Variants in BST1 observed in about 807,000 individuals in gnomAD.
BST1 encodes the protein bone marrow stromal cell antigen 1, also known as ADP-ribosyl cyclase/cyclic ADP-ribose hydrolase 2.
A neutral mutation model predicts 40.6 loss-of-function variants in BST1; 49 were observed. The ratio of observed to expected loss-of-function variants is 1.21; its 90% CI spans 0.96 to 1.53. The LOEUF is 1.53. Ranked by LOEUF, BST1 falls within the 40% of genes most tolerant of loss-of-function variation. The pLI is 0.00. For missense variants in BST1, 423 were observed against 395.9 expected (o/e 1.07, Z -0.58); for synonymous variants, 157 against 159.3 (o/e 0.99, Z 0.11).
chr4:15,705,395 G>A lies in BST1; in HGVS notation c.189-120G>A, dbSNP rs1280243364. Reference sequence around the variant, plus strand: ...TGACAATTCGTTGTCTTTTTTGTAAGCCTACTTCTGCAGTTACTATATGAA... The same window carrying A: ...TGACAATTCGTTGTCTTTTTTGTAAACCTACTTCTGCAGTTACTATATGAA... On this transcript the variant is annotated intron_variant, in intron 1 of 8. Coordinates refer to ENST00000265016, the MANE Select transcript of BST1 (RefSeq NM_004334.3). The A allele has an allele frequency of 3.4e-6, 4 of 1,170,212 alleles. No individual in the cohort carries two copies. The South Asian group carries it at 4.6e-5, about 14-fold the overall frequency. The allele number at this position is 1,170,212 out of a possible 1,614,324, so 72.5% of individuals were successfully genotyped here.
Position 15,718,941 on chromosome 4 carries a change from G to A in BST1, c.739G>A (p.Glu247Lys). 6.2e-7 allele frequency: 1 copy of A among 1,614,072 alleles called. No homozygotes were observed. ...CGGGGAAGGCAGCATGAAAGTCCTGGAAAAGAGGCTGAAGGACATGGGGTT... is the reference window on the plus strand; with the variant it reads ...CGGGGAAGGCAGCATGAAAGTCCTGAAAAAGAGGCTGAAGGACATGGGGTT... Reference protein sequence around the residue: ...SCGEGSMKVLEKRLKDMGFQY... With the variant: ...SCGEGSMKVLKKRLKDMGFQY... The change falls in exon 7 of 9, where the codon GAA becomes AAA. Residue 247 changes from glutamate (E) to lysine (K), a missense_variant. Glu to Lys is a moderately conservative substitution (Grantham distance 56). Coordinates refer to ENST00000265016, the MANE Select transcript of BST1 (RefSeq NM_004334.3).
chr4:15,731,445 G>T lies in BST1; in HGVS notation c.852-295G>T, dbSNP rs531933011. The stretch of plus-strand genomic sequence containing the variant: ...ACCCAGGACACACATGGAGAACTTG[G>T]GGCAGGGAGTGGACTTAAGCCTGAC... On this transcript the variant is annotated intron_variant, in intron 8 of 8. Coordinates refer to ENST00000265016, the MANE Select transcript of BST1 (RefSeq NM_004334.3). 53 of 725,666 alleles carry T rather than the reference G, an allele frequency of 7.3e-5. No individual in the cohort carries two copies. The East Asian group carries it at 1.8e-3, about 25-fold the overall frequency. The allele number at this position is 725,666 out of a possible 1,614,324, so 45.0% of individuals were successfully genotyped here. A position where few individuals can be genotyped will look rare whatever the true frequency, so the allele number is the denominator to read the frequency against.
the BST1 span, among the ~76,000 whole-genome samples, chr4:15,772,137 T>C: frequency 6.6e-6 from 1 of 152,190 alleles, no homozygotes; most frequent in South Asian, 2.1e-4. Flanking sequence ...ATTCCACGTG[T>C]GTTTATCATA....
At chr4:15,751,366 C>T in the BST1 span, among the ~76,000 whole-genome samples, 1 of 151,950 alleles carries the variant, frequency 6.6e-6, no homozygotes, top group Non-Finnish European at 1.5e-5. Flanking sequence ...CCACCATGGG[C>T]CAATGACTAT....
chr4:15,765,542 T>C, the BST1 span, among the ~76,000 whole-genome samples: 56 of 151,978 alleles, frequency 3.7e-4, 2 homozygotes, highest in African/African-American at 1.3e-3. Flanking sequence ...TATCTCCGGG[T>C]CCCAAACACA....
At chr4:15,740,653 AT>A (rs1721721117), downstream of BST1, among the ~76,000 whole-genome samples, 1 of 152,264 alleles carries the variant, frequency 6.6e-6, no homozygotes, top group East Asian at 1.9e-4. Flanking sequence ...AAATTTATTA[AT>A]TTGTTAAATT....
chr4:15,763,707 T>C, the BST1 span, among the ~76,000 whole-genome samples: 5 of 152,004 alleles, frequency 3.3e-5, no homozygotes, highest in African/African-American at 1.2e-4. Flanking sequence ...TAAATTGTGG[T>C]ACATCCAGAC....
At chr4:15,704,950 G>T in intron 1 of BST1, 1 of 776,292 alleles carries the variant, frequency 1.3e-6, no homozygotes, top group South Asian at 1.4e-5. Flanking sequence ...AACCACCTGT[G>T]TTACACACCA....
chr4:15,771,632 G>A, the BST1 span, among the ~76,000 whole-genome samples: 1 of 152,242 alleles, frequency 6.6e-6, no homozygotes, highest in Non-Finnish European at 1.5e-5. Context: ...CTGTGTGAGT[G>A]TGGAAAAACC....
rs2302465 is a variant in BST1, at chr4:15,707,569, G to A, written c.374G>A (p.Arg125His). 0.11 allele frequency: 184,394 copies of A among 1,613,684 alleles called. 11,376 individuals are homozygous for A. Among genetic ancestry groups the A allele is most frequent in the Non-Finnish European group, 0.13 (151,319 of 1,179,826 alleles). ...AACAGCTTTGCAGACAACACCCGTC[G>A]TTTTATGCCCCTGAGCGATGTTCTG... ...LVNSFADNTR[R>H]FMPLSDVLYG... Residue 125 changes from arginine to histidine, a missense_variant, in exon 3 of 9, where the codon CGT (arginine) becomes CAT (histidine). Physicochemically the swap from Arg to His is conservative, Grantham distance 29. Transcript: ENST00000265016.
chr4:15,706,461 G>A (rs1381927426), intron 2 of BST1, among the ~76,000 whole-genome samples: 1 of 152,180 alleles, frequency 6.6e-6, no homozygotes, highest in African/African-American at 2.4e-5. Context: ...TTTAGTACCA[G>A]TTTATTTAAG....
chr4:15,718,278 T>TAC (rs1471534388), intron 6 of BST1, among the ~76,000 whole-genome samples: 1 of 151,210 alleles, frequency 6.6e-6, no homozygotes, highest in African/African-American at 2.4e-5. Flanking sequence ...TGTCTGTGTA[T>TAC]ACACACACAC....
At position 15,728,477 on chromosome 4, in the gene BST1, G is replaced by T. The variant is rs1448196290; in HGVS notation, c.852-3263G>T. On this transcript the variant is annotated intron_variant, in intron 8 of 8. Coordinates refer to ENST00000265016, the MANE Select transcript of BST1 (RefSeq NM_004334.3). ...TTTTTTTTTTTTTTTTTGGAGACAG[G>T]TTATCGCTCTGTCACCCAGGCATGG... 3.5e-5 allele frequency among the ~76,000 whole-genome samples: 5 copies of T among 141,098 alleles called. No individual in the cohort carries two copies. The East Asian group carries it at 8.9e-4, about 25-fold the overall frequency. The allele number at this position is 141,098 out of a possible 152,430, so 92.6% of individuals were successfully genotyped here. A position where few individuals can be genotyped will look rare whatever the true frequency, so the allele number is the denominator to read the frequency against.
chr4:15,742,267 C>G (rs956564311), downstream of BST1, among the ~76,000 whole-genome samples: 29 of 152,166 alleles, frequency 1.9e-4, no homozygotes, highest in African/African-American at 7.0e-4. Flanking sequence ...GGGGTCAACC[C>G]CTCATGAATT....
At chr4:15,716,593 T>C (rs1720529128) in intron 6 of BST1, among the ~76,000 whole-genome samples, 1 of 152,214 alleles carries the variant, frequency 6.6e-6, no homozygotes, top group Non-Finnish European at 1.5e-5. Context: ...AGACTCACCA[T>C]ATAAGGGGTT....
chr4:15,729,492 ATAACT>A (rs1721276395), intron 8 of BST1, among the ~76,000 whole-genome samples: 1 of 152,202 alleles, frequency 6.6e-6, no homozygotes, highest in African/African-American at 2.4e-5. Context: ...TTAACCTGAA[ATAACT>A]TGAGTTTAAA....
chr4:15,736,084 C>A (rs1169119294), downstream of BST1: 7 of 1,288,676 alleles, frequency 5.4e-6, no homozygotes, highest in Non-Finnish European at 7.1e-6. Context: ...ATTAGGAGTG[C>A]GACCCAGAGC....
In BST1 at chr4:15,732,333, T is replaced by G. The variant is rs1721408982; in HGVS notation, c.*488T>G. On this transcript the variant is annotated 3_prime_UTR_variant, in exon 9 of 9. Transcript: ENST00000265016. ...TTCAGTTAATGGTTCCTTTTTGTTT[T>G]GAGAGACAGAGTTTCGCTCCTTTGC... 5.6e-6 allele frequency: 1 copy of G among 178,154 alleles called. No individual in the cohort carries two copies. The highest frequency in any genetic ancestry group is 1.9e-4 in the South Asian group (1 of 5,328). 11.0% of individuals were successfully genotyped at this position (178,154 alleles called of 1,614,324 possible). A position where few individuals can be genotyped will look rare whatever the true frequency, so the allele number is the denominator to read the frequency against.
At chr4:15,736,238 A>C (rs1459715507), downstream of BST1, 5 of 761,812 alleles carry the variant, frequency 6.6e-6, no homozygotes, top group Admixed American at 8.8e-5. Context: ...GCAATGTCCT[A>C]CGCTAGGGTC....
Sources: allele counts gnomAD v4.1 joint callset (sites outside exome capture counted in the v4.1 genomes callset), GRCh38; gene constraint gnomAD v4.1.1; transcripts MANE v1.5; gene names NCBI Gene and HGNC (gene_info 2026-07-23, HGNC 2026-07-21).